Variants in GPC6 observed in about 807,000 individuals in gnomAD.
GPC6 encodes the protein glypican-6.
In GPC6, 14 loss-of-function variants were observed where a neutral mutation model predicts 55.2. The ratio of observed to expected loss-of-function variants is 0.25; its 90% CI spans 0.17 to 0.40. GPC6 has a LOEUF of 0.40. Ranked by LOEUF, GPC6 falls within the 10% of genes least tolerant of loss-of-function variation. GPC6 has a pLI of 1.00. For missense variants in GPC6, 641 were observed against 708.5 expected, an observed-to-expected ratio of 0.90 and a Z score of 1.08; for synonymous variants, 278 against 259.6, an observed-to-expected ratio of 1.07 and a Z score of -0.68.
chr13:93,765,411 A>T (rs1292260844), intron 2 of GPC6, among the ~76,000 whole-genome samples: 1 of 151,966 alleles, frequency 6.6e-6, no homozygotes, highest in Non-Finnish European at 1.5e-5. Flanking sequence ...ATATTTAAGG[A>T]TTTTACTAAG....
At chr13:93,473,104 A>G (rs576585538) in intron 1 of GPC6, among the ~76,000 whole-genome samples, 2 of 152,288 alleles carry the variant, frequency 1.3e-5, no homozygotes, top group South Asian at 4.1e-4. Context: ...GGGCCCAGAA[A>G]AGTCACTGCA....
chr13:93,378,303 A>G (rs1426247507), intron 1 of GPC6, among the ~76,000 whole-genome samples: 1 of 152,208 alleles, frequency 6.6e-6, no homozygotes. Context: ...AAACTGACAT[A>G]TTTAATTCAT....
intron 1 of GPC6, among the ~76,000 whole-genome samples, chr13:93,475,263 A>G (rs1024268774): frequency 4.6e-5 from 7 of 152,214 alleles, no homozygotes; most frequent in African/African-American, 1.7e-4. Flanking sequence ...CTGTAATATA[A>G]TTTTGGAGAA....
intron 1 of GPC6, among the ~76,000 whole-genome samples, chr13:93,233,229 T>C (rs979569023): frequency 6.6e-6 from 1 of 152,118 alleles, no homozygotes; most frequent in African/African-American, 2.4e-5. Flanking sequence ...GGTTCCATAG[T>C]GGTGAGACTT....
Position 93,773,025 on chromosome 13 carries a change from C to A in GPC6, c.320-57129C>A, listed in dbSNP as rs113999135. On this transcript the variant is annotated intron_variant, in intron 2 of 8. Transcript: ENST00000377047. ...TGGGACATTTTCTCTGTAGTTTTTT[C>A]CAATATATAGTAGGTTATGACAGGA... is the stretch of plus-strand genomic sequence containing the variant. Among the ~76,000 whole-genome samples, 901 of 152,054 alleles carry A rather than the reference C, an allele frequency of 5.9e-3. 9 individuals are homozygous for A. Among genetic ancestry groups the A allele is most frequent in the African/African-American group, 0.021 (876 of 41,486 alleles).
chr13:94,399,364 CTATT>C (rs1417471388), intron 8 of GPC6, among the ~76,000 whole-genome samples: 2 of 152,204 alleles, frequency 1.3e-5, no homozygotes, highest in African/African-American at 4.8e-5. Flanking sequence ...ATTTGGAAGA[CTATT>C]AAGTGAACAT....
intron 4 of GPC6, among the ~76,000 whole-genome samples, chr13:94,108,660 G>T (rs1886138886): frequency 6.6e-6 from 1 of 152,038 alleles, no homozygotes; most frequent in African/African-American, 2.4e-5. Context: ...GGCCAACATG[G>T]TGAAACCCTG....
At chr13:93,515,923 G>A (rs2813599) in intron 1 of GPC6, among the ~76,000 whole-genome samples, 143,367 of 152,194 alleles carry the variant, frequency 0.94, 68,102 homozygotes, top group East Asian at 1. Flanking sequence ...GAAAGCCAAG[G>A]AAAATAGTAA....
intron 1 of GPC6, among the ~76,000 whole-genome samples, chr13:93,276,605 G>C (rs866019116): frequency 2.0e-5 from 3 of 152,042 alleles, no homozygotes; most frequent in Non-Finnish European, 2.9e-5. Context: ...ATGTGTGCCT[G>C]GGTGTGAAGG....
At chr13:93,424,610 C>T (rs925133784) in intron 1 of GPC6, among the ~76,000 whole-genome samples, 2 of 151,268 alleles carry the variant, frequency 1.3e-5, no homozygotes, top group African/African-American at 4.8e-5. Context: ...TACATGGTAT[C>T]ATCATCATCA....
chr13:93,486,700 A>G (rs1879723626), intron 1 of GPC6, among the ~76,000 whole-genome samples: 1 of 152,162 alleles, frequency 6.6e-6, no homozygotes, highest in Non-Finnish European at 1.5e-5. Context: ...TAATCCCAGC[A>G]CTTTGGGAGG....
intron 4 of GPC6, among the ~76,000 whole-genome samples, chr13:94,132,898 A>G (rs946225964): frequency 6.6e-6 from 1 of 152,206 alleles, no homozygotes; most frequent in Non-Finnish European, 1.5e-5. Flanking sequence ...TATAGTAGAC[A>G]GTATACATTA....
At chr13:93,785,444 A>G (rs1885789965) in intron 2 of GPC6, among the ~76,000 whole-genome samples, 1 of 152,118 alleles carries the variant, frequency 6.6e-6, no homozygotes, top group Non-Finnish European at 1.5e-5. Flanking sequence ...CTGAAGGCCT[A>G]GGGTGGGGCT....
intron 3 of GPC6, among the ~76,000 whole-genome samples, chr13:93,960,632 T>C (rs1379974711): frequency 6.6e-6 from 1 of 152,082 alleles, no homozygotes; most frequent in Non-Finnish European, 1.5e-5. Flanking sequence ...TCTCTAAACA[T>C]TTAAAAGTAC....
At chr13:93,472,262 C>G (rs1879146353) in intron 1 of GPC6, among the ~76,000 whole-genome samples, 1 of 152,150 alleles carries the variant, frequency 6.6e-6, no homozygotes, top group African/African-American at 2.4e-5. Context: ...GCTGCTGGTG[C>G]CTTTTCCGCA....
At chr13:93,447,972 T>C (rs894363395) in intron 1 of GPC6, among the ~76,000 whole-genome samples, 14 of 152,198 alleles carry the variant, frequency 9.2e-5, no homozygotes, top group Non-Finnish European at 1.9e-4. Flanking sequence ...TGAGTTAAAC[T>C]AGATGTCAAG....
chr13:93,768,569 C>T (rs550342333), intron 2 of GPC6, among the ~76,000 whole-genome samples: 2 of 152,208 alleles, frequency 1.3e-5, no homozygotes, highest in South Asian at 2.1e-4. Flanking sequence ...AATGAGACAC[C>T]TTCTCTGTCC....
At chr13:93,984,029 A>T (rs1880919033) in intron 3 of GPC6, among the ~76,000 whole-genome samples, 1 of 152,040 alleles carries the variant, frequency 6.6e-6, no homozygotes, top group African/African-American at 2.4e-5. Context: ...AGGAACATTG[A>T]ATTTATTTAT....
intron 1 of GPC6, among the ~76,000 whole-genome samples, chr13:93,449,930 T>C (rs1878163109): frequency 6.6e-6 from 1 of 152,050 alleles, no homozygotes; most frequent in Admixed American, 6.6e-5. Flanking sequence ...CCACTCTTTT[T>C]TTTTTCTTTG....
Sources: gnomAD v4.1 joint callset for allele counts (sites outside exome capture counted in the v4.1 genomes callset) on GRCh38, gnomAD v4.1.1 for gene constraint, MANE v1.5 for transcripts, NCBI Gene and HGNC (gene_info 2026-07-23, HGNC 2026-07-21) for gene names.